The following TMEM30A variants were observed in gnomAD, a reference collection of about 807,000 sequenced individuals.
TMEM30A encodes cell cycle control protein 50A.
Under a neutral mutation model 38.2 loss-of-function variants are expected in TMEM30A, and 24 were observed. The ratio of observed to expected loss-of-function variants is 0.63; its 90% CI spans 0.46 to 0.88. The LOEUF is 0.88. Among genes scored for constraint, TMEM30A ranks in the 40% least tolerant of loss-of-function variants. The pLI, the probability that TMEM30A is intolerant of heterozygous loss-of-function variation, is 0.00. For missense variants in TMEM30A, 370 were observed against 458.6 expected (o/e 0.81, Z 1.77); for synonymous variants, 145 against 161.6 (o/e 0.90, Z 0.78).
intron 6 of TMEM30A, chr6:75,256,817 C>A (rs1282448802): frequency 6.5e-6 from 3 of 464,104 alleles, no homozygotes; most frequent in African/African-American, 5.9e-5. Flanking sequence ...GGAGCAATGG[C>A]AAAACTCACT....
Position 75,284,706 on chromosome 6 carries a change from C to T in TMEM30A, c.-68G>A. The stretch of plus-strand genomic sequence containing the variant: ...CAGGGGGCCCGCCGGCTGACCCTGA[C>T]AGGAACCGCTCGAGCGCCGCTGCCG... On this transcript the variant is annotated 5_prime_UTR_variant, in exon 1 of 7. Coordinates refer to ENST00000230461, the MANE Select transcript of TMEM30A (RefSeq NM_018247.4). 2 of 1,540,398 alleles carry T rather than the reference C, an allele frequency of 1.3e-6. No individual in the cohort carries two copies. The highest frequency in any genetic ancestry group is 1.8e-6 in the Non-Finnish European group (2 of 1,122,994).
intron 3 of TMEM30A, among the ~76,000 whole-genome samples, chr6:75,261,813 G>T (rs1427021298): frequency 1.3e-5 from 2 of 152,164 alleles, no homozygotes; most frequent in East Asian, 1.9e-4. Flanking sequence ...GAATGGAAAA[G>T]ATAAGGCTAA....
In TMEM30A at chr6:75,258,988, T is replaced by A; in HGVS notation, c.686-2A>T. On this transcript the variant is annotated splice_acceptor_variant, in intron 5 of 6. Transcript: ENST00000230461. LOFTEE classifies it high-confidence loss of function. ...GCCAGTTCACAGGCTTTGTTGTACC[T>A]TAAAAGGAGTGGGGAGGGGATAAGG... is the stretch of plus-strand genomic sequence containing the variant. 6.2e-7 allele frequency: 1 copy of A among 1,612,430 alleles called. No homozygotes were observed. The highest frequency in any genetic ancestry group is 8.5e-7 in the Non-Finnish European group (1 of 1,179,434).
rs1772066930 is a variant in TMEM30A at position 75,266,381 on chromosome 6, A to G, written c.346-1043T>C. On this transcript the variant is annotated intron_variant, in intron 2 of 6. Coordinates refer to ENST00000230461, the MANE Select transcript of TMEM30A (RefSeq NM_018247.4). ...GGAAGAGAGGGAATATCAAAATTACATCACAGAAATTGAGAAAATGAATAT... is the reference window on the plus strand; with the variant it reads ...GGAAGAGAGGGAATATCAAAATTACGTCACAGAAATTGAGAAAATGAATAT... 1.3e-5 allele frequency among the ~76,000 whole-genome samples: 2 copies of G among 152,244 alleles called. 1 individual carries two copies. The highest frequency in any genetic ancestry group is 4.8e-5 in the African/African-American group (2 of 41,468).
At chr6:75,282,901 C>T (rs530492076) in intron 1 of TMEM30A, among the ~76,000 whole-genome samples, 2 of 152,254 alleles carry the variant, frequency 1.3e-5, no homozygotes, top group East Asian at 3.9e-4. Context: ...CCAGCTCTGC[C>T]TGACCCCAGC....
At chr6:75,266,118 T>C (rs1366496907) in intron 2 of TMEM30A, among the ~76,000 whole-genome samples, 2 of 152,228 alleles carry the variant, frequency 1.3e-5, no homozygotes, top group Admixed American at 1.3e-4. Context: ...CCATCTTAAA[T>C]GATTAAAATT....
Position 75,258,766 on chromosome 6 carries a change from C to A in TMEM30A, c.892+14G>T, listed in dbSNP as rs1392290271. 2 of 1,612,274 alleles carry A rather than the reference C, an allele frequency of 1.2e-6. No homozygotes were observed. Among genetic ancestry groups the A allele is most frequent in the East Asian group, 2.2e-5 (1 of 44,830 alleles). On this transcript the variant is annotated intron_variant, in intron 6 of 6. Coordinates refer to ENST00000230461, the MANE Select transcript of TMEM30A (RefSeq NM_018247.4). The stretch of plus-strand genomic sequence containing the variant: ...AAGCTCTATGAATCTGTATACCCAG[C>A]CAAAAAAGGATACTGTATGTGACAT...
chr6:75,253,290 T>G lies in TMEM30A; in HGVS notation c.*2812A>C, dbSNP rs377055531. 4.6e-5 allele frequency: 7 copies of G among 152,314 alleles called. No individual in the cohort carries two copies. Among genetic ancestry groups the G allele is most frequent in the Admixed American group, 2.6e-4 (4 of 15,288 alleles). 9.4% of individuals were successfully genotyped at this position (152,314 alleles called of 1,614,324 possible). On this transcript the variant is annotated 3_prime_UTR_variant, in exon 7 of 7. Transcript: ENST00000230461. ...TCCTCCTCACTAGTCAGGTTTTTCC[T>G]GTGTACCCCACTTCATTATTTCCAT...
chr6:75,276,962 A>G (rs926533086), intron 1 of TMEM30A, among the ~76,000 whole-genome samples: 9 of 151,924 alleles, frequency 5.9e-5, no homozygotes, highest in Admixed American at 1.3e-4. Context: ...TCACATATCA[A>G]TATGGTTCAC....
At chr6:75,265,010 T>C (rs935869230) in intron 3 of TMEM30A, among the ~76,000 whole-genome samples, 1 of 151,698 alleles carries the variant, frequency 6.6e-6, no homozygotes, top group African/African-American at 2.4e-5. Context: ...TGAGGCAAAA[T>C]TGCTTGAACC....
intron 3 of TMEM30A, among the ~76,000 whole-genome samples, chr6:75,261,245 G>A (rs972551959): frequency 2.6e-5 from 4 of 152,090 alleles, no homozygotes; most frequent in African/African-American, 7.2e-5. Context: ...ATGGTCTATT[G>A]CCAATCCAGT....
Position 75,267,637 on chromosome 6 carries a change from A to G in TMEM30A, c.345+4T>C. 1.3e-6 allele frequency: 2 copies of G among 1,597,364 alleles called. No homozygotes were observed. Among genetic ancestry groups the G allele is most frequent in the Non-Finnish European group, 1.7e-6 (2 of 1,168,024 alleles). On this transcript the variant is annotated splice_donor_region_variant and intron_variant, in intron 2 of 6. Coordinates refer to ENST00000230461, the MANE Select transcript of TMEM30A (RefSeq NM_018247.4). ...TTTCTAGCACATTACTTGGAAACACAGACCTCAAATGACTTTTCCAGTGTG... is the reference window on the plus strand; with the variant it reads ...TTTCTAGCACATTACTTGGAAACACGGACCTCAAATGACTTTTCCAGTGTG...
rs1562385365 is a variant in TMEM30A at position 75,258,829 on chromosome 6, AT to A, written c.842del (p.Asp281ValfsTer13). ...GGCCAGCTGGTAATGTTGGATGTAAATCACTTTTCCTTTCTATAAGACGATA... is the reference window on the plus strand; with the variant it reads ...GGCCAGCTGGTAATGTTGGATGTAAACACTTTTCCTTTCTATAAGACGATA... ...KLYRLIERKS[D>X]LHPTLPAGRY... On this transcript the variant is annotated frameshift_variant, in exon 6 of 7. Transcript: ENST00000230461. LOFTEE classifies it high-confidence loss of function. 1 of 1,614,010 alleles carries A rather than the reference AT, an allele frequency of 6.2e-7. No homozygotes were observed. Among genetic ancestry groups the A allele is most frequent in the South Asian group, 1.1e-5 (1 of 91,076 alleles).
chr6:75,260,275 G>A (rs938841313), intron 4 of TMEM30A, among the ~76,000 whole-genome samples: 4 of 152,002 alleles, frequency 2.6e-5, no homozygotes, highest in Admixed American at 1.3e-4. Context: ...GCGTGGTTGC[G>A]GGCGCCTGTA....
At chr6:75,279,950 T>G (rs1453521699) in intron 1 of TMEM30A, among the ~76,000 whole-genome samples, 1 of 152,148 alleles carries the variant, frequency 6.6e-6, no homozygotes, top group Non-Finnish European at 1.5e-5. Context: ...TCAAATTAAG[T>G]TAAAAATCAT....
intron 1 of TMEM30A, among the ~76,000 whole-genome samples, chr6:75,273,420 C>G (rs1772208386): frequency 2.0e-5 from 3 of 151,624 alleles, no homozygotes; most frequent in Admixed American, 6.6e-5. Flanking sequence ...AGCCTAGCAC[C>G]TGACCTCCTG....
intron 3 of TMEM30A, among the ~76,000 whole-genome samples, chr6:75,262,500 G>A (rs559320296): frequency 5.3e-5 from 8 of 151,950 alleles, no homozygotes; most frequent in African/African-American, 7.2e-5. Context: ...AAAATTAGCC[G>A]GGCATGGTGG....
In TMEM30A at chr6:75,284,399, C is replaced by G; in HGVS notation, c.237+3G>C. On this transcript the variant is annotated splice_donor_region_variant and intron_variant, in intron 1 of 6. Transcript: ENST00000230461. ...AACTCCCACCACAGCTCCCTCCCCT[C>G]ACCTCGATCTCGCGGATGTTGTTGG... The G allele has an allele frequency of 3.1e-6, 5 of 1,613,966 alleles. No homozygotes were observed. The highest frequency in any genetic ancestry group is 4.2e-6 in the Non-Finnish European group (5 of 1,179,848).
At chr6:75,277,305 CAAAAA>C (rs60419282) in intron 1 of TMEM30A, among the ~76,000 whole-genome samples, 3 of 91,718 alleles carry the variant, frequency 3.3e-5, no homozygotes, top group Non-Finnish European at 4.6e-5. Flanking sequence ...TGTCCTCATC[CAAAAA>C]AAAAAAAAAA....
Sources: gnomAD v4.1 joint callset for allele counts (sites outside exome capture counted in the v4.1 genomes callset) on GRCh38, gnomAD v4.1.1 for gene constraint, MANE v1.5 for transcripts, NCBI Gene and HGNC (gene_info 2026-07-23, HGNC 2026-07-21) for gene names.